Variants in RBFOX1 observed in about 807,000 individuals in gnomAD.
RBFOX1 encodes the protein RNA binding protein fox-1 homolog 1.
Under a neutral mutation model 57.7 loss-of-function variants are expected in RBFOX1, and 8 were observed. The observed-to-expected ratio is 0.14, with a 90% CI of 0.08 to 0.25. RBFOX1 has a LOEUF of 0.25. Ranked by LOEUF, RBFOX1 falls within the 10% of genes least tolerant of loss-of-function variation. RBFOX1 has a pLI of 1.00. For synonymous variants in RBFOX1, 326 were observed against 222.4 expected, an observed-to-expected ratio of 1.47 and a Z score of -4.15; for missense variants, 611 against 548.5, an observed-to-expected ratio of 1.11 and a Z score of -1.14.
chr16:7,029,373 G>A (rs1176641615), intron 3 of RBFOX1, among the ~76,000 whole-genome samples: 1 of 150,516 alleles, frequency 6.6e-6, no homozygotes, highest in Non-Finnish European at 1.5e-5. Flanking sequence ...ATAGAAGAAA[G>A]CTGATGCGTC....
At chr16:5,432,345 C>A (rs35635438) in intron 1 of RBFOX1, among the ~76,000 whole-genome samples, 1 of 151,736 alleles carries the variant, frequency 6.6e-6, no homozygotes, top group African/African-American at 2.4e-5. Context: ...AATTAGTCAT[C>A]GTAATAGCCC....
intron 4 of RBFOX1, among the ~76,000 whole-genome samples, chr16:5,973,272 A>C (rs1056200042): frequency 6.6e-5 from 10 of 152,212 alleles, no homozygotes; most frequent in African/African-American, 9.6e-5. Flanking sequence ...TGATATATAC[A>C]TTGATTTAAA....
intron 4 of RBFOX1, among the ~76,000 whole-genome samples, chr16:7,389,725 GTAT>G (rs1387742756): frequency 6.6e-6 from 1 of 152,102 alleles, no homozygotes. Context: ...TTAGGCCATG[GTAT>G]TATAATTCAG....
intron 2 of RBFOX1, among the ~76,000 whole-genome samples, chr16:6,613,172 C>G (rs1319213096): frequency 6.6e-6 from 1 of 152,064 alleles, no homozygotes; most frequent in African/African-American, 2.4e-5. Flanking sequence ...CTGCGTGGGT[C>G]CCTCACAAGG....
intron 3 of RBFOX1, among the ~76,000 whole-genome samples, chr16:5,616,388 A>G (rs886983545): frequency 2.0e-5 from 3 of 152,064 alleles, no homozygotes; most frequent in African/African-American, 4.8e-5. Flanking sequence ...CTGGCCAGCG[A>G]GGTCCAGGCG....
At position 6,904,108 on chromosome 16, in the gene RBFOX1, C is replaced by G. The variant is rs540368539; in HGVS notation, c.-15-147949C>G. On this transcript the variant is annotated intron_variant, in intron 3 of 15. Transcript: ENST00000550418. ...AGTCGGATGCTCTTATTCACCACCC[C>G]TATACCTAATAGTGCAGTTCGTTCT... Among the ~76,000 whole-genome samples, 42 of 152,290 alleles carry G rather than the reference C, an allele frequency of 2.8e-4. 1 individual carries two copies. Among genetic ancestry groups the G allele is most frequent in the African/African-American group, 9.9e-4 (41 of 41,574 alleles).
chr16:7,219,355 C>T (rs1394352190), intron 4 of RBFOX1, among the ~76,000 whole-genome samples: 2 of 152,148 alleles, frequency 1.3e-5, no homozygotes, highest in African/African-American at 4.8e-5. Context: ...CTGAATAAGT[C>T]AGAAAGGAGT....
At chr16:6,283,664 T>A (rs1316472763) in intron 1 of RBFOX1, among the ~76,000 whole-genome samples, 2 of 152,210 alleles carry the variant, frequency 1.3e-5, no homozygotes, top group Non-Finnish European at 2.9e-5. Flanking sequence ...TACGTGCCGT[T>A]AGTATAGTGA....
intron 2 of RBFOX1, chr16:6,483,280 C>T (rs1045180787): frequency 1.5e-6 from 2 of 1,358,982 alleles, no homozygotes; most frequent in Non-Finnish European, 1.9e-6. Flanking sequence ...TGATTGCCTC[C>T]TTGCACGGGC....
At chr16:5,491,708 G>GAATGTTCTC (rs1315364470) in intron 2 of RBFOX1, among the ~76,000 whole-genome samples, 1 of 152,228 alleles carries the variant, frequency 6.6e-6, no homozygotes, top group Non-Finnish European at 1.5e-5. Context: ...GGATACCCCA[G>GAATGTTCTC]AATGTTCTCA....
intron 1 of RBFOX1, among the ~76,000 whole-genome samples, chr16:5,304,162 G>T (rs1039793532): frequency 2.0e-5 from 3 of 152,198 alleles, no homozygotes; most frequent in African/African-American, 7.2e-5. Flanking sequence ...ACCAAGGAAG[G>T]CTTCATCATC....
chr16:7,060,845 T>C (rs2054019443), intron 4 of RBFOX1, among the ~76,000 whole-genome samples: 1 of 152,182 alleles, frequency 6.6e-6, no homozygotes, highest in African/African-American at 2.4e-5. Context: ...TCAAAAGCAT[T>C]CCTCTGTAAG....
At chr16:6,940,282 A>C (rs557402663) in intron 3 of RBFOX1, among the ~76,000 whole-genome samples, 1 of 152,200 alleles carries the variant, frequency 6.6e-6, no homozygotes, top group Non-Finnish European at 1.5e-5. Context: ...GTTGCTGCCC[A>C]TATAGGAAGG....
At chr16:6,884,014 G>T (rs1443633755) in intron 3 of RBFOX1, among the ~76,000 whole-genome samples, 1 of 152,078 alleles carries the variant, frequency 6.6e-6, no homozygotes, top group Non-Finnish European at 1.5e-5. Context: ...ACAAGGAGGG[G>T]GTGTTTTTTG....
intron 8 of RBFOX1, among the ~76,000 whole-genome samples, chr16:7,596,614 T>G (rs1209300445): frequency 6.6e-6 from 1 of 152,100 alleles, no homozygotes; most frequent in Non-Finnish European, 1.5e-5. Context: ...TGAATTTTTT[T>G]GACTTGTCGT....
intron 3 of RBFOX1, among the ~76,000 whole-genome samples, chr16:6,670,450 C>G (rs891628137): frequency 7.9e-5 from 12 of 152,092 alleles, no homozygotes; most frequent in Admixed American, 5.2e-4. Context: ...GTTGACAAAT[C>G]TTAATTTTGC....
intron 1 of RBFOX1, among the ~76,000 whole-genome samples, chr16:6,267,938 C>A (rs1244846085): frequency 6.6e-6 from 1 of 152,132 alleles, no homozygotes; most frequent in Non-Finnish European, 1.5e-5. Context: ...AAAATTTGAC[C>A]TTTTCCCTGC....
intron 2 of RBFOX1, among the ~76,000 whole-genome samples, chr16:6,510,964 G>C (rs1031811729): frequency 6.6e-6 from 1 of 152,138 alleles, no homozygotes; most frequent in Admixed American, 6.5e-5. Flanking sequence ...GGTGTGTGCT[G>C]CTTCTGTCTC....
At chr16:6,235,354 T>C (rs976287360) in intron 1 of RBFOX1, among the ~76,000 whole-genome samples, 2 of 152,098 alleles carry the variant, frequency 1.3e-5, no homozygotes, top group African/African-American at 4.8e-5. Flanking sequence ...TAGGATTCCC[T>C]CCCTTTCCAC....
Sources: allele counts gnomAD v4.1 joint callset (sites outside exome capture counted in the v4.1 genomes callset), GRCh38; gene constraint gnomAD v4.1.1; transcripts MANE v1.5; gene names NCBI Gene and HGNC (gene_info 2026-07-23, HGNC 2026-07-21).